Variants in KCNIP3 observed in about 807,000 individuals in gnomAD.
KCNIP3 encodes the protein calsenilin.
KCNIP3 carries 28 observed loss-of-function variants against 35.0 expected under a neutral mutation model. The observed-to-expected ratio is 0.80, with a 90% CI of 0.59 to 1.10. The LOEUF (loss-of-function observed/expected upper bound fraction) is 1.10. KCNIP3 is among the 50% of genes least tolerant of loss of function. The probability of loss-of-function intolerance (pLI) is 0.00; values close to 1 mark genes in which losing one functional copy is unlikely to be tolerated. For missense variants in KCNIP3, 295 were observed against 338.4 expected, an observed-to-expected ratio of 0.87 and a Z score of 1.01; for synonymous variants, 134 against 133.8, an observed-to-expected ratio of 1.00 and a Z score of -0.01.
intron 2 of KCNIP3, among the ~76,000 whole-genome samples, chr2:95,357,603 A>G (rs1257879907): frequency 1.3e-5 from 2 of 152,174 alleles, no homozygotes; most frequent in Non-Finnish European, 2.9e-5. Context: ...CCCAGTGCTC[A>G]GTCACTAAGG....
intron 1 of KCNIP3, chr2:95,298,580 T>G (rs1677938038): frequency 6.6e-6 from 1 of 152,182 alleles, no homozygotes; most frequent in Non-Finnish European, 1.5e-5. Context: ...TCCTGCCTCT[T>G]TCATCTGTGA....
At chr2:95,312,942 C>G (rs1352544448) in intron 2 of KCNIP3, 3 of 152,416 alleles carry the variant, frequency 2.0e-5, no homozygotes, top group Non-Finnish European at 4.4e-5. Context: ...GGAGGCCGGG[C>G]TGGTGTGGTC....
At chr2:95,323,580 G>A (rs1021644905) in intron 2 of KCNIP3, among the ~76,000 whole-genome samples, 4 of 152,082 alleles carry the variant, frequency 2.6e-5, no homozygotes, top group Admixed American at 6.5e-5. Flanking sequence ...GTGCCAACGC[G>A]TCCGCCTCCC....
intron 2 of KCNIP3, among the ~76,000 whole-genome samples, chr2:95,316,562 G>C (rs1435427107): frequency 6.6e-6 from 1 of 152,192 alleles, no homozygotes; most frequent in Non-Finnish European, 1.5e-5. Flanking sequence ...GTGGCAATGT[G>C]GTTGCTTTGC....
chr2:95,347,148 G>A, intron 2 of KCNIP3: 1 of 1,568,410 alleles, frequency 6.4e-7, no homozygotes, highest in Non-Finnish European at 8.7e-7. Context: ...TTGCCCCTTC[G>A]CCGCCTCCGC....
In KCNIP3 at chr2:95,382,008, C is replaced by T. The variant is rs571061411; in HGVS notation, c.555+305C>T. On this transcript the variant is annotated intron_variant, in intron 6 of 8. Coordinates refer to ENST00000295225, the MANE Select transcript of KCNIP3 (RefSeq NM_013434.5). The surrounding 1 kb of genome is among the most constrained non-coding windows in gnomAD (Gnocchi z 4.5). ...GATTTAAGTGGAGAAGCCAGAGGTC[C>T]TGGCCTTGGCCCCCATCAAGTGAAG... 6.6e-6 allele frequency among the ~76,000 whole-genome samples: 1 copy of T among 152,334 alleles called. No individual in the cohort carries two copies. The highest frequency in any genetic ancestry group is 2.1e-4 in the South Asian group (1 of 4,824).
chr2:95,298,823 A>G (rs1310091297), intron 1 of KCNIP3: 1 of 152,330 alleles, frequency 6.6e-6, no homozygotes, highest in Non-Finnish European at 1.5e-5. Flanking sequence ...GGAGAAACGT[A>G]GCGCCTTGCC....
chr2:95,318,241 G>C (rs777712494), intron 2 of KCNIP3, among the ~76,000 whole-genome samples: 1 of 152,186 alleles, frequency 6.6e-6, no homozygotes, highest in African/African-American at 2.4e-5. Flanking sequence ...CACAGACTCA[G>C]GACAAGCCTG....
At position 95,376,623 on chromosome 2, in the gene KCNIP3, C is replaced by G. The variant is rs1028881740; in HGVS notation, c.447+1415C>G. Among the ~76,000 whole-genome samples, 2 of 152,260 alleles carry G rather than the reference C, an allele frequency of 1.3e-5. No homozygotes were observed. The highest frequency in any genetic ancestry group is 4.8e-5 in the African/African-American group (2 of 41,472). Reference sequence around the variant, plus strand: ...TTCTCTGCACGTGAAACGAAGTCCTCTGGCTTCACGCAGGTACATTTACCT... The same window carrying G: ...TTCTCTGCACGTGAAACGAAGTCCTGTGGCTTCACGCAGGTACATTTACCT... On this transcript the variant is annotated intron_variant, in intron 5 of 8. Transcript: ENST00000295225. This position sits in a 1 kb window ranked among gnomAD's most constrained non-coding sequence, Gnocchi z 4.2.
chr2:95,368,832 C>T, intron 2 of KCNIP3: 1 of 210,592 alleles, frequency 4.7e-6, no homozygotes, highest in Non-Finnish European at 1.1e-5. Flanking sequence ...ATGTCGTCAT[C>T]AGAGTTCTGA....
intron 2 of KCNIP3, among the ~76,000 whole-genome samples, chr2:95,334,569 G>A (rs1193379315): frequency 2.0e-5 from 3 of 152,298 alleles, no homozygotes; most frequent in East Asian, 3.9e-4. Flanking sequence ...CCAACATGGT[G>A]GGCCTTGTAC....
intron 5 of KCNIP3, among the ~76,000 whole-genome samples, chr2:95,375,450 G>A (rs1257152220): frequency 6.6e-6 from 1 of 151,926 alleles, no homozygotes; most frequent in African/African-American, 2.4e-5. Context: ...TTTGCATCCA[G>A]CTCTGCCTGG....
At chr2:95,351,373 C>T (rs1214545480) in intron 2 of KCNIP3, among the ~76,000 whole-genome samples, 1 of 152,218 alleles carries the variant, frequency 6.6e-6, no homozygotes, top group Non-Finnish European at 1.5e-5. Flanking sequence ...CATTTGCAGC[C>T]ATTTAGGAGG....
At chr2:95,332,562 T>C (rs1678958797) in intron 2 of KCNIP3, among the ~76,000 whole-genome samples, 1 of 152,214 alleles carries the variant, frequency 6.6e-6, no homozygotes, top group Non-Finnish European at 1.5e-5. Context: ...GGAGGAGGTG[T>C]TCCTTAATAT....
intron 2 of KCNIP3, among the ~76,000 whole-genome samples, chr2:95,341,561 G>A (rs1024987082): frequency 6.6e-6 from 1 of 152,136 alleles, no homozygotes; most frequent in Non-Finnish European, 1.5e-5. Flanking sequence ...TGCGTGTCTT[G>A]AGATGCTTTC....
chr2:95,327,394 C>T (rs1358659744), intron 2 of KCNIP3, among the ~76,000 whole-genome samples: 3 of 152,194 alleles, frequency 2.0e-5, no homozygotes, highest in Admixed American at 6.5e-5. Context: ...CGCACACATA[C>T]ACACACTCTC....
chr2:95,342,240 G>A (rs1679211171), intron 2 of KCNIP3, among the ~76,000 whole-genome samples: 1 of 152,142 alleles, frequency 6.6e-6, no homozygotes, highest in Non-Finnish European at 1.5e-5. Flanking sequence ...TGGACTGCTT[G>A]GGTTCAAATC....
At chr2:95,347,129 CG>C in intron 2 of KCNIP3, 8 of 1,606,558 alleles carry the variant, frequency 5.0e-6, no homozygotes, top group Non-Finnish European at 6.8e-6. Flanking sequence ...GAAGGTAACG[CG>C]TGGCCACTTG....
intron 2 of KCNIP3, among the ~76,000 whole-genome samples, chr2:95,368,057 C>T (rs1236051234): frequency 3.3e-5 from 5 of 152,292 alleles, no homozygotes; most frequent in South Asian, 2.1e-4. Flanking sequence ...CCACCGCGCC[C>T]GGCCTGTTAC....
Sources: gnomAD v4.1 joint callset for allele counts (sites outside exome capture counted in the v4.1 genomes callset) on GRCh38, gnomAD v4.1.1 for gene constraint, Gnocchi (gnomAD v3.1) non-coding constraint, MANE v1.5 for transcripts, NCBI Gene and HGNC (gene_info 2026-07-23, HGNC 2026-07-21) for gene names.